CCDC141: variants seen among roughly 807,000 people sequenced by gnomAD.
CCDC141 encodes the protein coiled-coil domain containing 141, also known as coiled-coil domain-containing protein 141.
A neutral mutation model predicts 181.0 loss-of-function variants in CCDC141; 168 were observed. That is an observed-to-expected ratio of 0.93 (90% CI 0.82 to 1.05). The LOEUF is 1.05. Among genes scored for constraint, CCDC141 ranks in the 50% least tolerant of loss-of-function variants. The pLI, the probability that CCDC141 is intolerant of heterozygous loss-of-function variation, is 0.00. For synonymous variants in CCDC141, 666 were observed against 642.3 expected, an observed-to-expected ratio of 1.04 and a Z score of -0.56; for missense variants, 1,902 against 1,788.5, an observed-to-expected ratio of 1.06 and a Z score of -1.14.
chr2:178,855,348 T>G lies in CCDC141; in HGVS notation c.3059A>C (p.Glu1020Ala), dbSNP rs996762274. ...LTEHFQEVIEECHFWYEDASA... is the reference protein window; with the variant it reads ...LTEHFQEVIEACHFWYEDASA... ...GATACCACTGCAAAAAGAGAATACC[T>G]CTTCTATCACCTCCTGGAAATGCTC... Residue 1020 changes from glutamate to alanine, a missense_variant and splice_region_variant, in exon 19 of 24, where the codon GAG becomes GCG. Glu to Ala is a moderately radical substitution (Grantham distance 107, BLOSUM62 -1). Transcript: ENST00000443758. 6.2e-7 allele frequency: 1 copy of G among 1,604,524 alleles called. No individual in the cohort carries two copies. The highest frequency in any genetic ancestry group is 8.5e-7 in the Non-Finnish European group (1 of 1,177,270).
chr2:178,895,612 G>C (rs1687370141), intron 8 of CCDC141, among the ~76,000 whole-genome samples: 1 of 152,152 alleles, frequency 6.6e-6, no homozygotes, highest in Admixed American at 6.5e-5. Flanking sequence ...TAACAAGCCA[G>C]GATTGCAGTT....
At position 179,036,114 on chromosome 2, in the gene CCDC141, T is replaced by C. The variant is rs1428317566; in HGVS notation, c.225+11170A>G. 3.3e-5 allele frequency among the ~76,000 whole-genome samples: 5 copies of C among 152,224 alleles called. No homozygotes were observed. The East Asian group carries it at 9.6e-4, about 29-fold the overall frequency. Reference sequence around the variant, plus strand: ...TTTTCAAAGGCCCATCAGCCTCTGCTAAGAAGTCCAACCTTGATTCCTGGG... The same window carrying C: ...TTTTCAAAGGCCCATCAGCCTCTGCCAAGAAGTCCAACCTTGATTCCTGGG... On this transcript the variant is annotated intron_variant, in intron 2 of 23. Transcript: ENST00000443758.
intron 4 of CCDC141, among the ~76,000 whole-genome samples, chr2:178,972,527 A>C (rs1392062744): frequency 1.3e-5 from 2 of 152,180 alleles, no homozygotes; most frequent in African/African-American, 4.8e-5. Context: ...GTCCTGCTAA[A>C]CTGCAGGCTT....
intron 2 of CCDC141, among the ~76,000 whole-genome samples, chr2:179,018,871 A>G (rs911619700): frequency 6.6e-6 from 1 of 151,386 alleles, no homozygotes; most frequent in African/African-American, 2.5e-5. Context: ...GTAAGTAGCA[A>G]AAAAAGTACA....
At chr2:178,825,890 G>T (rs1296505132), downstream of CCDC141, among the ~76,000 whole-genome samples, 1 of 152,022 alleles carries the variant, frequency 6.6e-6, no homozygotes, top group Non-Finnish European at 1.5e-5. Context: ...GATTCTTTGG[G>T]ATTTTCTAGG....
intron 7 of CCDC141, among the ~76,000 whole-genome samples, chr2:178,909,053 C>T (rs1467857608): frequency 6.6e-6 from 1 of 152,200 alleles, no homozygotes; most frequent in African/African-American, 2.4e-5. Context: ...CTGCCACTCT[C>T]AAATCCTCAG....
intron 6 of CCDC141, among the ~76,000 whole-genome samples, chr2:178,936,571 C>T (rs1411453142): frequency 6.6e-6 from 1 of 151,966 alleles, no homozygotes; most frequent in African/African-American, 2.4e-5. Flanking sequence ...ATTGCCTTGG[C>T]TATTTGGGCT....
chr2:178,898,319 C>G (rs1687511653), intron 8 of CCDC141, among the ~76,000 whole-genome samples: 1 of 152,146 alleles, frequency 6.6e-6, no homozygotes, highest in Non-Finnish European at 1.5e-5. Flanking sequence ...GCATGAGGTT[C>G]TTACCAGAGG....
Position 178,888,641 on chromosome 2 carries a change from C to T in CCDC141, c.1293G>A (p.Met431Ile), listed in dbSNP as rs917154909. Residue 431 changes from methionine (M) to isoleucine (I), a missense_variant, in exon 9 of 24, where the codon ATG (methionine) becomes ATA (isoleucine). Physicochemically the swap from Met to Ile is conservative, Grantham distance 10 (BLOSUM62 1). Coordinates refer to ENST00000443758, the MANE Select transcript of CCDC141 (RefSeq NM_173648.4). ...CCACTCGTCTCTTAATGCACCCCAT[C>T]ATCTCATGGATGCCGGACACCTGAG... ...CSSQVSGIHE[M>I]MGCIKRRVDH... 1.3e-6 allele frequency: 2 copies of T among 1,550,654 alleles called. No homozygotes were observed. Among genetic ancestry groups the T allele is most frequent in the African/African-American group, 2.7e-5 (2 of 73,014 alleles).
At chr2:179,010,291 G>A (rs1354660968) in intron 2 of CCDC141, among the ~76,000 whole-genome samples, 1 of 152,106 alleles carries the variant, frequency 6.6e-6, no homozygotes, top group African/African-American at 2.4e-5. Flanking sequence ...AATACAAGAA[G>A]CACAAAGAAC....
At chr2:178,939,484 T>C (rs190231474) in intron 6 of CCDC141, among the ~76,000 whole-genome samples, 141 of 152,228 alleles carry the variant, frequency 9.3e-4, no homozygotes, top group African/African-American at 3.1e-3. Flanking sequence ...TCCCTGGTCA[T>C]TGCTCACTTT....
downstream of CCDC141, among the ~76,000 whole-genome samples, chr2:178,828,251 CACAG>C (rs753060656): frequency 2.0e-5 from 3 of 152,184 alleles, no homozygotes; most frequent in Admixed American, 6.5e-5. Flanking sequence ...AGGAAATTCA[CACAG>C]ACAGAGAAGC....
At chr2:178,995,986 G>A (rs1692270261) in intron 2 of CCDC141, among the ~76,000 whole-genome samples, 1 of 151,998 alleles carries the variant, frequency 6.6e-6, no homozygotes, top group Non-Finnish European at 1.5e-5. Context: ...GAATATATAA[G>A]ATGAAAACAT....
intron 2 of CCDC141, among the ~76,000 whole-genome samples, chr2:179,033,709 C>T (rs1056279626): frequency 1.3e-5 from 2 of 152,148 alleles, no homozygotes; most frequent in Admixed American, 6.5e-5. Flanking sequence ...ACTATGGGTT[C>T]TATTTTCCAT....
chr2:178,996,776 C>A (rs578031593), intron 2 of CCDC141, among the ~76,000 whole-genome samples: 1 of 152,326 alleles, frequency 6.6e-6, no homozygotes, highest in Non-Finnish European at 1.5e-5. Context: ...AACATTCTTG[C>A]AGAACCCTCT....
intron 8 of CCDC141, among the ~76,000 whole-genome samples, chr2:178,901,477 A>T (rs1268952242): frequency 2.0e-5 from 3 of 152,210 alleles, no homozygotes; most frequent in Non-Finnish European, 4.4e-5. Context: ...AATGTAATCC[A>T]GCATATAAAC....
At chr2:178,911,185 C>T (rs565301529) in intron 7 of CCDC141, among the ~76,000 whole-genome samples, 5 of 152,292 alleles carry the variant, frequency 3.3e-5, no homozygotes, top group East Asian at 1.9e-4. Context: ...TACTCAGCTA[C>T]GTGCTGGGAA....
At chr2:178,821,502 G>A in the CCDC141 span, among the ~76,000 whole-genome samples, 5 of 152,154 alleles carry the variant, frequency 3.3e-5, no homozygotes, top group Admixed American at 2.6e-4. Context: ...ACCCCTTAGA[G>A]ATCAGTGAGA....
chr2:178,907,213 C>T (rs987613046), intron 7 of CCDC141, among the ~76,000 whole-genome samples: 6 of 152,194 alleles, frequency 3.9e-5, no homozygotes, highest in Admixed American at 2.6e-4. Flanking sequence ...TAGTTCCAGG[C>T]ACATTCTCCT....
Sources: allele counts gnomAD v4.1 joint callset (sites outside exome capture counted in the v4.1 genomes callset), GRCh38; gene constraint gnomAD v4.1.1; transcripts MANE v1.5; gene names NCBI Gene and HGNC (gene_info 2026-07-23, HGNC 2026-07-21).